The following PLXNA4 variants were observed in gnomAD, a reference collection of about 807,000 sequenced individuals.
The protein encoded by PLXNA4 is plexin A4.
Under a neutral mutation model 191.8 loss-of-function variants are expected in PLXNA4, and 44 were observed. The observed-to-expected ratio is 0.23, with a 90% confidence interval of 0.18 to 0.29. PLXNA4 has a LOEUF of 0.29. PLXNA4 is among the 10% of genes least tolerant of loss of function. The probability of loss-of-function intolerance (pLI) is 1.00; values close to 1 mark genes in which losing one functional copy is unlikely to be tolerated. For missense variants in PLXNA4, 1,800 were observed against 2,488.8 expected (o/e 0.72, Z 5.89); for synonymous variants, 1,082 against 1,009.5 (o/e 1.07, Z -1.36).
chr7:132,577,872 C>T (rs1217835472), upstream of PLXNA4, among the ~76,000 whole-genome samples: 1 of 152,158 alleles, frequency 6.6e-6, no homozygotes, highest in Non-Finnish European at 1.5e-5. Context: ...AAGTCACCCC[C>T]ACATGGCACC....
At chr7:132,540,486 G>A (rs1172197656) in intron 1 of PLXNA4, among the ~76,000 whole-genome samples, 2 of 149,502 alleles carry the variant, frequency 1.3e-5, no homozygotes, top group Non-Finnish European at 3.0e-5. Flanking sequence ...CACGGTGTTA[G>A]TAGGAATTCC....
chr7:132,531,970 G>C (rs756434997), intron 1 of PLXNA4, among the ~76,000 whole-genome samples: 3 of 152,144 alleles, frequency 2.0e-5, no homozygotes, highest in African/African-American at 7.2e-5. Context: ...CTCAAAATCC[G>C]ACATTGTAAA....
At chr7:132,338,623 A>T (rs561603718) in intron 3 of PLXNA4, among the ~76,000 whole-genome samples, 1 of 152,236 alleles carries the variant, frequency 6.6e-6, no homozygotes, top group Non-Finnish European at 1.5e-5. Context: ...AGACAGCCAG[A>T]TATCTTCTAA....
At chr7:132,585,344 G>T (rs77977506) in intron 2 of PLXNA4, among the ~76,000 whole-genome samples, 1 of 152,260 alleles carries the variant, frequency 6.6e-6, no homozygotes, top group African/African-American at 2.4e-5. Flanking sequence ...ACAGGTGAAA[G>T]CTCCATAGTG....
intron 4 of PLXNA4, among the ~76,000 whole-genome samples, chr7:132,268,222 C>T (rs1475084724): frequency 6.6e-6 from 1 of 152,166 alleles, no homozygotes; most frequent in Non-Finnish European, 1.5e-5. Context: ...CCTAACCTGT[C>T]ATGACTGTGC....
At chr7:132,577,802 C>A (rs1448086037), upstream of PLXNA4, among the ~76,000 whole-genome samples, 2 of 152,146 alleles carry the variant, frequency 1.3e-5, no homozygotes, top group South Asian at 4.1e-4. Context: ...CTGACACAAG[C>A]GCACACTGAC....
At chr7:132,502,275 A>T (rs1240599185) in intron 2 of PLXNA4, among the ~76,000 whole-genome samples, 6 of 152,180 alleles carry the variant, frequency 3.9e-5, no homozygotes, top group Admixed American at 3.9e-4. Context: ...CTAGGAAACC[A>T]GTGAGTCAAA....
At chr7:132,626,411 G>A (rs1803373767) in intron 2 of PLXNA4, among the ~76,000 whole-genome samples, 1 of 152,192 alleles carries the variant, frequency 6.6e-6, no homozygotes, top group Non-Finnish European at 1.5e-5. Flanking sequence ...ATGTTGAATT[G>A]TAATCCCCAG....
At chr7:132,200,601 A>G (rs952497147) in intron 12 of PLXNA4, among the ~76,000 whole-genome samples, 2 of 152,220 alleles carry the variant, frequency 1.3e-5, no homozygotes, top group Non-Finnish European at 2.9e-5. Flanking sequence ...AAAGGGTCTG[A>G]AGCATGGGGC....
At chr7:132,393,814 C>T (rs879398066) in intron 3 of PLXNA4, among the ~76,000 whole-genome samples, 2 of 152,108 alleles carry the variant, frequency 1.3e-5, no homozygotes, top group South Asian at 2.1e-4. Context: ...CAGAGCGGGG[C>T]GGCACCAGGA....
At chr7:132,256,343 G>T (rs1177043815) in intron 4 of PLXNA4, among the ~76,000 whole-genome samples, 1 of 152,328 alleles carries the variant, frequency 6.6e-6, no homozygotes, top group Non-Finnish European at 1.5e-5. Flanking sequence ...ATTTTCGAAT[G>T]CTTTTCTCCT....
In PLXNA4 at chr7:132,393,815, G is replaced by A. The variant is rs192414759; in HGVS notation, c.1371+95477C>T. 5.5e-4 allele frequency among the ~76,000 whole-genome samples: 84 copies of A among 152,174 alleles called. 1 individual carries two copies. The highest frequency in any genetic ancestry group is 1.8e-3 in the African/African-American group (75 of 41,528). ...CTGGATGAAACTAGCAGAGCGGGGC[G>A]GCACCAGGACACTAAGCCATCTTCA... On this transcript the variant is annotated intron_variant, in intron 3 of 31. Coordinates refer to ENST00000321063, the MANE Select transcript of PLXNA4 (RefSeq NM_020911.2).
At chr7:132,615,356 T>C (rs539524167) in intron 2 of PLXNA4, among the ~76,000 whole-genome samples, 12 of 152,274 alleles carry the variant, frequency 7.9e-5, no homozygotes, top group East Asian at 3.9e-4. Flanking sequence ...ACTCGCGTCC[T>C]GTCTGCCTGG....
At chr7:132,592,138 A>C (rs540127161) in intron 2 of PLXNA4, among the ~76,000 whole-genome samples, 1 of 152,182 alleles carries the variant, frequency 6.6e-6, no homozygotes, top group Non-Finnish European at 1.5e-5. Flanking sequence ...TTCTCTGTGC[A>C]ATTCATTTCT....
At chr7:132,236,288 C>T (rs967663110) in intron 5 of PLXNA4, among the ~76,000 whole-genome samples, 3 of 152,172 alleles carry the variant, frequency 2.0e-5, no homozygotes, top group Non-Finnish European at 4.4e-5. Flanking sequence ...TTCTTCCTCT[C>T]TTGCTGTCTC....
chr7:132,309,514 G>A (rs1192892786), intron 3 of PLXNA4, among the ~76,000 whole-genome samples: 1 of 152,098 alleles, frequency 6.6e-6, no homozygotes, highest in African/African-American at 2.4e-5. Flanking sequence ...CCACACATGG[G>A]GAGGCTACCT....
intron 1 of PLXNA4, among the ~76,000 whole-genome samples, chr7:132,567,307 G>T (rs373689677): frequency 1.6e-5 from 1 of 63,822 alleles, no homozygotes; most frequent in Non-Finnish European, 3.4e-5. Flanking sequence ...CCCACCCCCC[G>T]CCGCAATCTA....
At position 132,133,091 on chromosome 7, in the gene PLXNA4, T is replaced by G. The variant is rs75848889; in HGVS notation, c.5547A>C (p.Ala1849=). ...MHMNEFNTMS[A]LSEIFSYVGK... Reference sequence around the variant, plus strand: ...CCACATAGGAGAAGATCTCTGAGAGTGCACTCATGGTGTTGAACTCATTCA... The same window carrying G: ...CCACATAGGAGAAGATCTCTGAGAGGGCACTCATGGTGTTGAACTCATTCA... Residue 1849 remains alanine, a synonymous_variant, in exon 31 of 32, where the codon GCA becomes GCC. Transcript: ENST00000321063. 1.9e-6 allele frequency: 3 copies of G among 1,614,054 alleles called. No homozygotes were observed. The South Asian group carries it at 3.3e-5, about 18-fold the overall frequency.
intron 1 of PLXNA4, among the ~76,000 whole-genome samples, chr7:132,512,672 G>A (rs1043925929): frequency 2.0e-5 from 3 of 152,106 alleles, no homozygotes; most frequent in Non-Finnish European, 4.4e-5. Flanking sequence ...GTGACACCCC[G>A]CCGAGCTTGG....
Sources: allele counts gnomAD v4.1 joint callset (sites outside exome capture counted in the v4.1 genomes callset), GRCh38; gene constraint gnomAD v4.1.1; transcripts MANE v1.5; gene names NCBI Gene and HGNC (gene_info 2026-07-23, HGNC 2026-07-21).